The following CCDC146 variants were observed in gnomAD, a reference collection of about 807,000 sequenced individuals.
CCDC146 encodes coiled-coil domain-containing protein 146.
In CCDC146, 92 loss-of-function variants were observed where a neutral mutation model predicts 119.3. The observed-to-expected ratio is 0.77, with a 90% CI of 0.65 to 0.92. CCDC146 has a LOEUF of 0.92. Among genes scored for constraint, CCDC146 ranks in the 40% least tolerant of loss-of-function variants. CCDC146 has a pLI of 0.00. For synonymous variants in CCDC146, 372 were observed against 371.8 expected (o/e 1.00, Z -0.01); for missense variants, 1,000 against 1,103.0 (o/e 0.91, Z 1.32).
At chr7:77,283,691 A>G (rs961711197) in intron 15 of CCDC146, among the ~76,000 whole-genome samples, 4 of 152,146 alleles carry the variant, frequency 2.6e-5, no homozygotes, top group South Asian at 2.1e-4. Context: ...TAGGTATACA[A>G]GTAAATGTTT....
At chr7:77,274,933 T>C (rs1584136668) in intron 11 of CCDC146, among the ~76,000 whole-genome samples, 3 of 152,188 alleles carry the variant, frequency 2.0e-5, no homozygotes, top group Admixed American at 2.0e-4. Flanking sequence ...ATGTAAATGA[T>C]GAGTTAATGG....
chr7:77,152,638 T>C (rs113612000), intron 1 of CCDC146, among the ~76,000 whole-genome samples: 12 of 152,284 alleles, frequency 7.9e-5, no homozygotes, highest in Non-Finnish European at 1.8e-4. Flanking sequence ...GATTTAAATG[T>C]CTCACGGTGA....
intron 2 of CCDC146, among the ~76,000 whole-genome samples, chr7:77,220,403 T>A (rs2150460890): frequency 6.6e-6 from 1 of 152,336 alleles, no homozygotes; most frequent in South Asian, 2.1e-4. Flanking sequence ...ACACATGTTT[T>A]ACAAACAATT....
chr7:77,271,239 A>G (rs1229645610), intron 9 of CCDC146, among the ~76,000 whole-genome samples: 2 of 151,680 alleles, frequency 1.3e-5, no homozygotes, highest in East Asian at 3.9e-4. Flanking sequence ...GGCACAATCT[A>G]ATCAGCTGCC....
At position 77,288,279 on chromosome 7, in the gene CCDC146, C is replaced by T. The variant is rs568555449; in HGVS notation, c.2415+702C>T. Among the ~76,000 whole-genome samples, 4 of 152,264 alleles carry T rather than the reference C, an allele frequency of 2.6e-5. No individual in the cohort carries two copies. In the East Asian group the frequency reaches 7.7e-4, roughly 29 times the overall value. On this transcript the variant is annotated intron_variant, in intron 17 of 18. Coordinates refer to ENST00000285871, the MANE Select transcript of CCDC146 (RefSeq NM_020879.3). The stretch of plus-strand genomic sequence containing the variant: ...AAGAGGTGAAGGCTGTCTATTAGTT[C>T]GTTTGCATTGCTGTAAAGGAATACC...
intron 1 of CCDC146, among the ~76,000 whole-genome samples, chr7:77,133,821 G>C (rs1790821212): frequency 1.6e-5 from 2 of 121,354 alleles, no homozygotes; most frequent in Admixed American, 1.6e-4. Flanking sequence ...AATTACATAT[G>C]CTTAGGTACA....
chr7:77,250,365 G>A (rs149361964), intron 4 of CCDC146, among the ~76,000 whole-genome samples: 41 of 152,238 alleles, frequency 2.7e-4, no homozygotes, highest in African/African-American at 9.6e-4. Flanking sequence ...TGCAAAGCAG[G>A]TCTATTGACA....
chr7:77,294,756 A>G lies in CCDC146; in HGVS notation c.2758A>G (p.Thr920Ala). The change falls in exon 19 of 19, where the codon ACT becomes GCT. Residue 920 changes from threonine to alanine, a missense_variant. Around this residue, in one of 2 missense-constraint regions of CCDC146, gnomAD observed 985 missense variants for 1,045.3 expected, o/e 0.94. Transcript: ENST00000285871. ...TGCCTACATCCCAGAAGCAGATGCC[A>G]CTCTTCCTTTGCCAAAACCTTATGG... ...PNAYIPEADA[T>A]LPLPKPYGAL... 3.7e-6 allele frequency: 6 copies of G among 1,613,974 alleles called. No individual in the cohort carries two copies. Among genetic ancestry groups the G allele is most frequent in the Non-Finnish European group, 5.1e-6 (6 of 1,180,002 alleles).
rs1364905732 is a variant in CCDC146, at chr7:77,167,525, A to G, written c.-11-133A>G. ...GTCTTTTATAATGAGATTGTAGCTA[A>G]CTTTCCTGATTTGTAGTTTCATTGA... On this transcript the variant is annotated intron_variant, in intron 1 of 18. Coordinates refer to ENST00000285871, the MANE Select transcript of CCDC146 (RefSeq NM_020879.3). 6 of 608,598 alleles carry G rather than the reference A, an allele frequency of 9.9e-6. No homozygotes were observed. The African/African-American group carries it at 1.2e-4, about 12-fold the overall frequency. 37.7% of individuals were successfully genotyped at this position (608,598 alleles called of 1,614,324 possible).
chr7:77,292,240 G>A (rs895734144), intron 17 of CCDC146, among the ~76,000 whole-genome samples: 6 of 151,568 alleles, frequency 4.0e-5, no homozygotes, highest in Non-Finnish European at 8.8e-5. Flanking sequence ...GCTGCAGTAA[G>A]CTATGATCAC....
chr7:77,187,234 A>G (rs1791681652), intron 2 of CCDC146, among the ~76,000 whole-genome samples: 2 of 152,212 alleles, frequency 1.3e-5, no homozygotes, highest in Admixed American at 6.5e-5. Flanking sequence ...GGGTTTTGCA[A>G]GGAGGGAATA....
At chr7:77,235,366 A>G (rs1232751358) in intron 2 of CCDC146, among the ~76,000 whole-genome samples, 5 of 152,188 alleles carry the variant, frequency 3.3e-5, no homozygotes, top group Admixed American at 2.0e-4. Context: ...CTTCTTATGA[A>G]TTCATATTTA....
intron 2 of CCDC146, among the ~76,000 whole-genome samples, chr7:77,171,633 T>C (rs1421003183): frequency 6.6e-6 from 1 of 152,216 alleles, no homozygotes; most frequent in African/African-American, 2.4e-5. Context: ...TTTTTGTCAT[T>C]GTATCTCACC....
intron 2 of CCDC146, among the ~76,000 whole-genome samples, chr7:77,218,331 G>A (rs1792336248): frequency 6.6e-6 from 1 of 150,914 alleles, no homozygotes; most frequent in Non-Finnish European, 1.5e-5. Flanking sequence ...AGATACATAT[G>A]TATGTATATA....
In CCDC146 at chr7:77,139,861, CCCTT is replaced by C. The variant is rs374681436; in HGVS notation, c.-12+17150_-12+17153del. Among the ~76,000 whole-genome samples the C allele has an allele frequency of 8.5e-3, 1,249 of 147,466 alleles. 5 individuals carry two copies. Among genetic ancestry groups the C allele is most frequent in the South Asian group, 0.015 (73 of 4,712 alleles). ...GTCAAAAACAAAAATCAATTCTCTC[CCCTT>C]CCTTCCTTCCTTCCTTCCTTTCTTT... On this transcript the variant is annotated intron_variant, in intron 1 of 18. Transcript: ENST00000285871.
intron 17 of CCDC146, among the ~76,000 whole-genome samples, chr7:77,289,444 C>T (rs940779044): frequency 2.0e-5 from 3 of 152,188 alleles, no homozygotes; most frequent in Non-Finnish European, 2.9e-5. Context: ...ACTGTCCCCA[C>T]TCCATTTAAA....
chr7:77,201,914 TA>T (rs3834746), intron 2 of CCDC146, among the ~76,000 whole-genome samples: 12,417 of 144,276 alleles, frequency 0.086, 1,395 homozygotes, highest in African/African-American at 0.27. Context: ...ACAACATAGA[TA>T]AAAAAAAAAA....
At chr7:77,292,840 C>T (rs1439248600) in intron 17 of CCDC146, 112 bp from the exon 18 acceptor site, 6 of 1,111,274 alleles carry the variant, frequency 5.4e-6, no homozygotes, top group Non-Finnish European at 7.7e-6. Flanking sequence ...AAGTTAGACC[C>T]TCCTTCCTTC....
chr7:77,164,047 G>C (rs1195173388), intron 1 of CCDC146, among the ~76,000 whole-genome samples: 7 of 151,658 alleles, frequency 4.6e-5, no homozygotes, highest in African/African-American at 7.3e-5. Context: ...ATTTTTAGTA[G>C]AGATGGGGTT....
Sources: allele counts gnomAD v4.1 joint callset (sites outside exome capture counted in the v4.1 genomes callset), GRCh38; gene constraint gnomAD v4.1.1; regional missense constraint gnomAD v4.1.1; transcripts MANE v1.5; gene names NCBI Gene and HGNC (gene_info 2026-07-23, HGNC 2026-07-21).